Variants in LIMCH1 observed in about 807,000 individuals in gnomAD.
LIMCH1 encodes the protein LIM and calponin homology domains-containing protein 1.
A neutral mutation model predicts 176.5 loss-of-function variants in LIMCH1; 113 were observed. The observed-to-expected ratio is 0.64, with a 90% CI of 0.55 to 0.75. The LOEUF (loss-of-function observed/expected upper bound fraction) is 0.75, where lower values mean the gene tolerates loss of function less well. LIMCH1 is among the 30% of genes least tolerant of loss of function. LIMCH1 has a pLI of 0.00. For synonymous variants in LIMCH1, 619 were observed against 645.9 expected (o/e 0.96, Z 0.63); for missense variants, 1,674 against 1,814.9 (o/e 0.92, Z 1.41).
intron 1 of LIMCH1, among the ~76,000 whole-genome samples, chr4:41,558,872 CTTCT>C (rs1426571108): frequency 6.6e-6 from 1 of 152,056 alleles, no homozygotes; most frequent in Non-Finnish European, 1.5e-5. Context: ...GCAAGCAGAG[CTTCT>C]TTCTTTGTTA....
chr4:41,441,830 T>G (rs1268718615), intron 1 of LIMCH1, among the ~76,000 whole-genome samples: 2 of 152,208 alleles, frequency 1.3e-5, no homozygotes, highest in Non-Finnish European at 2.9e-5. Context: ...TATAAACTAA[T>G]AATGGTATAA....
chr4:41,447,197 A>C (rs767640774), intron 1 of LIMCH1, among the ~76,000 whole-genome samples: 35 of 152,188 alleles, frequency 2.3e-4, no homozygotes, highest in Non-Finnish European at 3.5e-4. Flanking sequence ...CACTAACTGT[A>C]CCACTCCAGC....
At chr4:41,560,469 C>T (rs1051686832) in intron 1 of LIMCH1, among the ~76,000 whole-genome samples, 1 of 152,212 alleles carries the variant, frequency 6.6e-6, no homozygotes, top group Non-Finnish European at 1.5e-5. Context: ...AAAATCTAGG[C>T]TTCTGAAGTA....
intron 22 of LIMCH1, among the ~76,000 whole-genome samples, chr4:41,672,337 T>C (rs1362045201): frequency 2.6e-5 from 4 of 152,056 alleles, no homozygotes; most frequent in Non-Finnish European, 5.9e-5. Context: ...ACTACTGCAC[T>C]GCAGCCTGGG....
At chr4:41,641,321 A>C (rs529226775) in intron 14 of LIMCH1, among the ~76,000 whole-genome samples, 2 of 152,318 alleles carry the variant, frequency 1.3e-5, no homozygotes, top group East Asian at 3.9e-4. Context: ...TGAACTAGGG[A>C]ACATGTTCTG....
chr4:41,363,243 C>T (rs56072549), intron 1 of LIMCH1, among the ~76,000 whole-genome samples: 18,669 of 152,136 alleles, frequency 0.12, 1,211 homozygotes, highest in Middle Eastern at 0.15. Flanking sequence ...TCAGCTAATA[C>T]AGCAATAATG....
At position 41,631,188 on chromosome 4, in the gene LIMCH1, C is replaced by T. The variant is rs2093303598; in HGVS notation, c.1312C>T (p.Pro438Ser). 1 of 1,535,574 alleles carries T rather than the reference C, an allele frequency of 6.5e-7. No homozygotes were observed. Among genetic ancestry groups the T allele is most frequent in the South Asian group, 1.2e-5 (1 of 83,992 alleles). The change falls in exon 10 of 32, where the codon CCA becomes TCA. Residue 438 changes from proline to serine, a missense_variant. Pro to Ser is a moderately conservative substitution (Grantham distance 74). This residue lies in a region of LIMCH1 where 655 missense variants were observed against 692.2 expected (regional missense o/e 0.95). Transcript: ENST00000503057. ...VQHICASEPS[P>S]EIKAETAIRD... ...GCACATCTGTGCTTCTGAGCCTTCC[C>T]CAGAAATTAAAGCAGAAACTGCCAT...
chr4:41,590,192 A>G (rs2087253012), intron 1 of LIMCH1, among the ~76,000 whole-genome samples: 1 of 152,044 alleles, frequency 6.6e-6, no homozygotes, highest in African/African-American at 2.4e-5. Flanking sequence ...TCCCAGGTTC[A>G]AGCCATCCTC....
chr4:41,472,372 C>G (rs966240008), intron 1 of LIMCH1, among the ~76,000 whole-genome samples: 3 of 146,706 alleles, frequency 2.0e-5, no homozygotes, highest in Admixed American at 7.0e-5. Flanking sequence ...TCCTCCCTCT[C>G]TTTCCTTCCT....
intron 1 of LIMCH1, among the ~76,000 whole-genome samples, chr4:41,370,110 C>T (rs1191746423): frequency 6.6e-6 from 1 of 152,102 alleles, no homozygotes; most frequent in Non-Finnish European, 1.5e-5. Context: ...GGTCAGGGCT[C>T]GTTGGAGTTC....
chr4:41,599,011 A>G lies in LIMCH1; in HGVS notation c.-149A>G. On this transcript the variant is annotated 5_prime_UTR_variant, in exon 2 of 32. Transcript: ENST00000503057. ...CCGAGTGACCTCCAGGATACATCCA[A>G]CAGAGTAACAGTCAAGTAAGTAAAG... 1 of 1,603,280 alleles carries G rather than the reference A, an allele frequency of 6.2e-7. No individual in the cohort carries two copies. The highest frequency in any genetic ancestry group is 8.5e-7 in the Non-Finnish European group (1 of 1,170,480).
At chr4:41,648,658 G>GT (rs2094159093) in intron 17 of LIMCH1, among the ~76,000 whole-genome samples, 1 of 135,334 alleles carries the variant, frequency 7.4e-6, no homozygotes, top group African/African-American at 2.8e-5. Flanking sequence ...AAGGGGTAGG[G>GT]GTGTGTGTGT....
At chr4:41,409,548 C>T (rs1196131733) in intron 1 of LIMCH1, among the ~76,000 whole-genome samples, 1 of 152,040 alleles carries the variant, frequency 6.6e-6, no homozygotes, top group Non-Finnish European at 1.5e-5. Context: ...GACATCTTTG[C>T]TATAATTAAA....
rs115942302 is a variant in LIMCH1 at position 41,610,325 on chromosome 4, G to T, written c.10-3141G>T. Among the ~76,000 whole-genome samples the T allele has an allele frequency of 1.5e-3, 231 of 152,282 alleles. 1 individual carries two copies. The highest frequency in any genetic ancestry group is 5.3e-3 in the African/African-American group (220 of 41,580). On this transcript the variant is annotated intron_variant, in intron 4 of 31. Transcript: ENST00000503057. ...TGGCTGCACCAAGGAACTTGTAGCT[G>T]TGTCATTTCCAGATGTGACCAGCGG...
chr4:41,427,312 G>A (rs536680282), intron 1 of LIMCH1, among the ~76,000 whole-genome samples: 6 of 152,152 alleles, frequency 3.9e-5, no homozygotes, highest in Non-Finnish European at 5.9e-5. Flanking sequence ...GCCATATCAT[G>A]TGTTTTAAGT....
At chr4:41,684,597 C>G in intron 27 of LIMCH1, 79 bp downstream of exon 27, 1 of 1,516,030 alleles carries the variant, frequency 6.6e-7, no homozygotes. Context: ...GCTATGATCT[C>G]TGCTGGCTGC....
chr4:41,429,865 A>G (rs368935032), intron 1 of LIMCH1, among the ~76,000 whole-genome samples: 2,599 of 142,314 alleles, frequency 0.018, 69 homozygotes, highest in African/African-American at 0.069. Context: ...CACCAGTTAC[A>G]AGGGAAGGAA....
At chr4:41,640,952 T>G (rs4861125) in intron 14 of LIMCH1, among the ~76,000 whole-genome samples, 64,715 of 151,742 alleles carry the variant, frequency 0.43, 14,011 homozygotes, top group South Asian at 0.46. Flanking sequence ...TTCTTCACTT[T>G]CACACTCTTT....
At chr4:41,624,387 G>C (rs371003300) in intron 7 of LIMCH1, among the ~76,000 whole-genome samples, 1 of 152,040 alleles carries the variant, frequency 6.6e-6, no homozygotes, top group East Asian at 1.9e-4. Flanking sequence ...CTAAGTGCCA[G>C]ACATGGATTC....
Sources: gnomAD v4.1 joint callset for allele counts (sites outside exome capture counted in the v4.1 genomes callset) on GRCh38, gnomAD v4.1.1 for gene constraint, gnomAD v4.1.1 regional missense constraint, MANE v1.5 for transcripts, NCBI Gene and HGNC (gene_info 2026-07-23, HGNC 2026-07-21) for gene names.